Variants in USP6 observed in about 807,000 individuals in gnomAD.
The protein encoded by USP6 is ubiquitin specific peptidase 6, also known as ubiquitin carboxyl-terminal hydrolase 6.
A neutral mutation model predicts 175.7 loss-of-function variants in USP6; 128 were observed. The ratio of observed to expected loss-of-function variants is 0.73; its 90% CI spans 0.63 to 0.84. The LOEUF (loss-of-function observed/expected upper bound fraction) is 0.84, where lower values mean the gene tolerates loss of function less well. USP6 is among the 40% of genes least tolerant of loss of function. USP6 has a pLI of 0.00. For synonymous variants in USP6, 562 were observed against 630.6 expected (o/e 0.89, Z 1.63); for missense variants, 1,498 against 1,760.3 (o/e 0.85, Z 2.67).
intron 32 of USP6, among the ~76,000 whole-genome samples, chr17:5,162,284 T>C (rs781200814): frequency 6.6e-6 from 1 of 152,050 alleles, no homozygotes. Flanking sequence ...CCCGAGTAGC[T>C]GGGACTACAG....
intron 31 of USP6, among the ~76,000 whole-genome samples, chr17:5,160,216 C>A (rs1290906593): frequency 6.6e-6 from 1 of 152,146 alleles, no homozygotes; most frequent in Non-Finnish European, 1.5e-5. Flanking sequence ...ATGAGTTATG[C>A]AGAAAGATGG....
chr17:5,126,151 C>T (rs934342540), intron 6 of USP6, among the ~76,000 whole-genome samples: 9 of 152,064 alleles, frequency 5.9e-5, no homozygotes, highest in Middle Eastern at 3.2e-3. Context: ...GTGCCTTCTC[C>T]GTAGACCATG....
chr17:5,130,109 C>T lies in USP6; in HGVS notation c.-2+20C>T, dbSNP rs994997469. ...GGGCAGGTGTGTGCCCATTTCATGG[C>T]ATATGGGGACAACCGGATTCTCTGT... is the stretch of plus-strand genomic sequence containing the variant. On this transcript the variant is annotated intron_variant, in intron 9 of 37. Coordinates refer to ENST00000574788, the MANE Select transcript of USP6 (RefSeq NM_001304284.2). The T allele has an allele frequency of 1.6e-5, 8 of 496,580 alleles. No homozygotes were observed. The highest frequency in any genetic ancestry group is 2.9e-5 in the Non-Finnish European group (8 of 272,672). 30.8% of individuals were successfully genotyped at this position (496,580 alleles called of 1,614,324 possible).
At chr17:5,148,449 C>G in intron 29 of USP6, 107 bp from the exon 30 acceptor site, 1 of 1,267,240 alleles carries the variant, frequency 7.9e-7, no homozygotes. Flanking sequence ...TTCTCCCTGC[C>G]CTGTGTTAAG....
chr17:5,141,319 C>T (rs2073438666), intron 22 of USP6, 106 bp from the exon 23 acceptor site: 1 of 1,015,580 alleles, frequency 9.8e-7, no homozygotes. Context: ...GATTTTAAAA[C>T]TTCCGATTTA....
rs753822844 is a variant in USP6, at chr17:5,139,601, G to A, written c.1425G>A (p.Trp475Ter). ...GGTTCCCCCATTATGATTTTGAATG[G>A]AGCTGCTGGGTCCGTGCCATATCCC... ...GPWFPHYDFEWSCWVRAISQE... is the reference protein window; with the variant it reads ...GPWFPHYDFE Residue 475 changes from tryptophan (W) to a stop codon, truncating the protein, a stop_gained, in exon 22 of 38, where the codon TGG becomes TGA. Coordinates refer to ENST00000574788, the MANE Select transcript of USP6 (RefSeq NM_001304284.2). LOFTEE classifies it high-confidence loss of function. 1 of 1,613,524 alleles carries A rather than the reference G, an allele frequency of 6.2e-7. No homozygotes were observed.
chr17:5,170,482 C>G lies in USP6; in HGVS notation c.3521C>G (p.Ser1174Cys). The change falls in exon 36 of 38, where the codon TCT becomes TGT. Residue 1174 changes from serine (S) to cysteine (C), a missense_variant. Ser to Cys is a moderately radical substitution (Grantham distance 112). Transcript: ENST00000574788. ...SANISSSPKGSPSSSRKSGTS... is the reference protein window; with the variant it reads ...SANISSSPKGCPSSSRKSGTS... ...TTTTCTTCTGTCCTGTTCACAGGTT[C>G]TCCTTCTTCATCAAGAAAAAGTGGA... 2 of 1,606,832 alleles carry G rather than the reference C, an allele frequency of 1.2e-6. No homozygotes were observed. Among genetic ancestry groups the G allele is most frequent in the African/African-American group, 1.3e-5 (1 of 74,716 alleles).
intron 8 of USP6, 58 bp downstream of exon 8, chr17:5,129,191 G>C (rs2072983870): frequency 6.6e-6 from 1 of 152,316 alleles, no homozygotes. Flanking sequence ...ACAAGACCCT[G>C]GGTTTTGCTC....
Position 5,144,680 on chromosome 17 carries a change from A to G in USP6, c.1819-10A>G. ...GGAAATAATGACTGTGACTTCTCTTATATTTATAGCGGACCATAGCAAAAT... is the reference window on the plus strand; with the variant it reads ...GGAAATAATGACTGTGACTTCTCTTGTATTTATAGCGGACCATAGCAAAAT... On this transcript the variant is annotated splice_polypyrimidine_tract_variant and intron_variant, in intron 25 of 37. Transcript: ENST00000574788. 2 of 1,612,302 alleles carry G rather than the reference A, an allele frequency of 1.2e-6. No individual in the cohort carries two copies. The highest frequency in any genetic ancestry group is 1.7e-6 in the Non-Finnish European group (2 of 1,179,460).
chr17:5,121,283 C>T (rs1411843966), intron 3 of USP6, 92 bp from the exon 4 acceptor site: 2 of 358,924 alleles, frequency 5.6e-6, no homozygotes, highest in East Asian at 1.5e-4. Context: ...CCATAGAGGC[C>T]AGGGAGGGGC....
Position 5,139,309 on chromosome 17 carries a change from G to A in USP6, c.1133G>A (p.Gly378Glu). 1 of 1,609,562 alleles carries A rather than the reference G, an allele frequency of 6.2e-7. No homozygotes were observed. Among genetic ancestry groups the A allele is most frequent in the Non-Finnish European group, 8.5e-7 (1 of 1,180,030 alleles). Residue 378 changes from glycine to glutamate, a missense_variant, in exon 22 of 38, where the codon GGG (glycine) becomes GAG (glutamate). Gly to Glu is a moderately conservative substitution (Grantham distance 98). Transcript: ENST00000574788. Reference sequence around the variant, plus strand: ...AGGCCTGTGCCGGCTTCACGTGGTGGGAAGACCCTCTGCAAGGGGTATAGG... The same window carrying A: ...AGGCCTGTGCCGGCTTCACGTGGTGAGAAGACCCTCTGCAAGGGGTATAGG... ...APRPVPASRGGKTLCKGYRQA... is the reference protein window; with the variant it reads ...APRPVPASRGEKTLCKGYRQA...
intron 31 of USP6, among the ~76,000 whole-genome samples, chr17:5,160,307 T>C (rs956737212): frequency 6.6e-6 from 1 of 152,202 alleles, no homozygotes; most frequent in South Asian, 2.1e-4. Context: ...CAATAGCCCA[T>C]GTAATAACCA....
At chr17:5,139,014 G>C in intron 21 of USP6, 2 of 1,549,822 alleles carry the variant, frequency 1.3e-6, no homozygotes, top group South Asian at 1.2e-5. Flanking sequence ...GAAGCCCCCA[G>C]CCAGTCTGAA....
chr17:5,171,792 A>G, intron 37 of USP6, 113 bp downstream of exon 37: 1 of 1,155,664 alleles, frequency 8.7e-7, no homozygotes, highest in South Asian at 1.5e-5. Flanking sequence ...GTTAGAATTA[A>G]TATATAGATG....
intron 1 of USP6, among the ~76,000 whole-genome samples, chr17:5,117,877 C>T (rs1319503187): frequency 6.6e-6 from 1 of 152,000 alleles, no homozygotes; most frequent in Non-Finnish European, 1.5e-5. Context: ...GGCAGATCAC[C>T]AGGAGTTTAA....
intron 30 of USP6, among the ~76,000 whole-genome samples, chr17:5,155,186 C>G (rs2073854869): frequency 1.3e-5 from 2 of 152,100 alleles, no homozygotes; most frequent in Non-Finnish European, 2.9e-5. Context: ...TGCTGAAACC[C>G]AAGTTTGATA....
chr17:5,133,598 C>T, intron 14 of USP6, 48 bp downstream of exon 14: 1 of 1,546,444 alleles, frequency 6.5e-7, no homozygotes, highest in Middle Eastern at 2.3e-4. Flanking sequence ...TGTCAGGGGC[C>T]CAGGTCTCCA....
intron 15 of USP6, chr17:5,134,947 A>G (rs769126267): frequency 7.4e-5 from 29 of 391,418 alleles, no homozygotes; most frequent in Admixed American, 1.4e-4. Context: ...GTTTGGAACC[A>G]TGGAGGAACT....
chr17:5,122,165 G>A (rs1435437034), intron 4 of USP6, among the ~76,000 whole-genome samples: 1 of 151,972 alleles, frequency 6.6e-6, no homozygotes, highest in Non-Finnish European at 1.5e-5. Flanking sequence ...GGGGAAGGAA[G>A]GTGGTGCACG....
Sources: allele counts gnomAD v4.1 joint callset (sites outside exome capture counted in the v4.1 genomes callset), GRCh38; gene constraint gnomAD v4.1.1; transcripts MANE v1.5; gene names NCBI Gene and HGNC (gene_info 2026-07-23, HGNC 2026-07-21).